The following SPICE1 variants were observed in gnomAD, a reference collection of about 807,000 sequenced individuals.
The protein encoded by SPICE1 is spindle and centriole associated protein 1.
In SPICE1, 75 loss-of-function variants were observed where a neutral mutation model predicts 102.7. The ratio of observed to expected loss-of-function variants is 0.73; its 90% CI spans 0.61 to 0.88. SPICE1 has a LOEUF of 0.88. SPICE1 is among the 40% of genes least tolerant of loss of function. SPICE1 has a pLI of 0.00. For synonymous variants in SPICE1, 308 were observed against 350.3 expected (o/e 0.88, Z 1.35); for missense variants, 979 against 1,020.1 (o/e 0.96, Z 0.55).
At chr3:113,501,432 A>T (rs1417382627) in intron 3 of SPICE1, among the ~76,000 whole-genome samples, 1 of 152,216 alleles carries the variant, frequency 6.6e-6, no homozygotes, top group Non-Finnish European at 1.5e-5. Context: ...CATCAAAATT[A>T]AAAACTTCCC....
At chr3:113,475,608 T>G (rs933470869) in intron 7 of SPICE1, among the ~76,000 whole-genome samples, 2 of 152,110 alleles carry the variant, frequency 1.3e-5, no homozygotes, top group Non-Finnish European at 2.9e-5. Flanking sequence ...GCTTCATCCC[T>G]GGGATGCAAG....
At chr3:113,466,772 G>A (rs145928187) in intron 10 of SPICE1, among the ~76,000 whole-genome samples, 328 of 152,346 alleles carry the variant, frequency 2.2e-3, no homozygotes, top group African/African-American at 7.3e-3. Flanking sequence ...AGGGTCAGGT[G>A]CAGAGGCTCA....
intron 2 of SPICE1, among the ~76,000 whole-genome samples, chr3:113,505,051 G>A (rs1162841845): frequency 6.6e-6 from 1 of 152,064 alleles, no homozygotes; most frequent in Non-Finnish European, 1.5e-5. Flanking sequence ...CAGTATCCAG[G>A]ACACCCACAT....
chr3:113,506,680 C>A, intron 1 of SPICE1, 75 bp from the exon 2 acceptor site: 9 of 1,145,916 alleles, frequency 7.9e-6, no homozygotes, highest in East Asian at 2.5e-5. Context: ...GGGGAAGACA[C>A]CTGAAAAAAA....
At position 113,453,852 on chromosome 3, in the gene SPICE1, T is replaced by G; in HGVS notation, c.1756A>C (p.Ile586Leu). 1 of 1,614,224 alleles carries G rather than the reference T, an allele frequency of 6.2e-7. No individual in the cohort carries two copies. Among genetic ancestry groups the G allele is most frequent in the Non-Finnish European group, 8.5e-7 (1 of 1,180,020 alleles). Residue 586 changes from isoleucine (I) to leucine (L), a missense_variant, in exon 14 of 18, where the codon ATT (isoleucine) becomes CTT (leucine). Physicochemically the swap from Ile to Leu is conservative, Grantham distance 5 (BLOSUM62 2). Coordinates refer to ENST00000295872, the MANE Select transcript of SPICE1 (RefSeq NM_144718.4). The stretch of plus-strand genomic sequence containing the variant: ...CTTGAATTCTGAATGTCTGTATCAA[T>G]AGGTAAGGTCTTCTCTTCCCAATTT... ...EQNWEEKTLP[I>L]DTDIQNSSEE... is the part of the protein sequence containing the mutation.
chr3:113,478,747 A>T (rs1339436198), intron 7 of SPICE1, among the ~76,000 whole-genome samples: 3 of 152,164 alleles, frequency 2.0e-5, no homozygotes, highest in Non-Finnish European at 4.4e-5. Context: ...AGTGAGGTAG[A>T]TCTATGGATA....
At chr3:113,463,435 A>G (rs1301394205) in intron 11 of SPICE1, among the ~76,000 whole-genome samples, 1 of 152,238 alleles carries the variant, frequency 6.6e-6, no homozygotes, top group Non-Finnish European at 1.5e-5. Flanking sequence ...CAGGAGAATT[A>G]AACATATGTT....
Position 113,468,339 on chromosome 3 carries a change from T to C in SPICE1, c.955A>G (p.Thr319Ala), listed in dbSNP as rs1330776573. The C allele has an allele frequency of 1.9e-6, 3 of 1,614,184 alleles. No homozygotes were observed. The highest frequency in any genetic ancestry group is 2.2e-5 in the South Asian group (2 of 91,086). The change falls in exon 10 of 18, where the codon ACC (threonine) becomes GCC (alanine). Residue 319 changes from threonine to alanine, a missense_variant. By Grantham distance (58) the Thr-to-Ala change is moderately conservative (BLOSUM62 0). Coordinates refer to ENST00000295872, the MANE Select transcript of SPICE1 (RefSeq NM_144718.4). ...GTCCTATTTGGTAAGTCTGCAGAGGTTGTGCTACCTGATGATATGTTTTTC... is the reference window on the plus strand; with the variant it reads ...GTCCTATTTGGTAAGTCTGCAGAGGCTGTGCTACCTGATGATATGTTTTTC... ...PKKNISSGST[T>A]SADLPNRTNS...
chr3:113,485,457 A>T, intron 7 of SPICE1, among the ~76,000 whole-genome samples: 1 of 152,188 alleles, frequency 6.6e-6, no homozygotes, highest in East Asian at 1.9e-4. Flanking sequence ...GTGTAAACAA[A>T]GCCACCAGGA....
At chr3:113,452,864 G>C (rs1387921192) in intron 14 of SPICE1, among the ~76,000 whole-genome samples, 2 of 152,124 alleles carry the variant, frequency 1.3e-5, no homozygotes, top group Admixed American at 6.5e-5. Context: ...TGTAATCCCA[G>C]CTACTTAGGA....
intron 14 of SPICE1, 113 bp downstream of exon 14, chr3:113,453,353 T>C: frequency 7.4e-7 from 1 of 1,349,126 alleles, no homozygotes; most frequent in Non-Finnish European, 1.0e-6. Context: ...ATAAGCCATC[T>C]AGCCTCAAAG....
intron 7 of SPICE1, among the ~76,000 whole-genome samples, chr3:113,487,282 AGT>A (rs1936671195): frequency 6.6e-6 from 1 of 152,136 alleles, no homozygotes; most frequent in South Asian, 2.1e-4. Context: ...GTTAAAGAAG[AGT>A]GATACAAATG....
intron 3 of SPICE1, among the ~76,000 whole-genome samples, chr3:113,501,228 C>T (rs1306011218): frequency 6.6e-6 from 1 of 151,988 alleles, no homozygotes; most frequent in East Asian, 1.9e-4. Flanking sequence ...AAAGTTGGGC[C>T]CCCCTCCCAC....
chr3:113,464,091 A>C (rs1935995728), intron 11 of SPICE1, among the ~76,000 whole-genome samples: 1 of 151,918 alleles, frequency 6.6e-6, no homozygotes, highest in Non-Finnish European at 1.5e-5. Flanking sequence ...AAAAGGGTAC[A>C]GGATTTCTCT....
intron 4 of SPICE1, among the ~76,000 whole-genome samples, chr3:113,497,079 G>T (rs1177173603): frequency 1.3e-5 from 2 of 152,198 alleles, no homozygotes; most frequent in Admixed American, 6.5e-5. Flanking sequence ...TTGTAAGTGG[G>T]AATGGCCATG....
chr3:113,503,093 G>T, intron 3 of SPICE1, 87 bp downstream of exon 3: 1 of 1,346,106 alleles, frequency 7.4e-7, no homozygotes, highest in Non-Finnish European at 1.0e-6. Context: ...CTTCCAGGAA[G>T]TGCCTATAGT....
Position 113,484,381 on chromosome 3 carries a change from A to G in SPICE1, c.611+4564T>C, listed in dbSNP as rs888903604. Among the ~76,000 whole-genome samples the G allele has an allele frequency of 2.0e-5, 3 of 151,962 alleles. No individual in the cohort carries two copies. In the South Asian group the frequency reaches 6.2e-4, roughly 32 times the overall value. On this transcript the variant is annotated intron_variant, in intron 7 of 17. Coordinates refer to ENST00000295872, the MANE Select transcript of SPICE1 (RefSeq NM_144718.4). ...GGTTTTTCATGTCTCTATCCCCTTC[A>G]GTTCTGCTTTGATCTTAGTTATTTC...
At chr3:113,487,540 T>C (rs1314982249) in intron 7 of SPICE1, among the ~76,000 whole-genome samples, 1 of 152,144 alleles carries the variant, frequency 6.6e-6, no homozygotes. Context: ...ATACCCTTCT[T>C]TAATAAAATG....
Position 113,460,731 on chromosome 3 carries a change from C to T in SPICE1, c.1321G>A (p.Glu441Lys), listed in dbSNP as rs759578980. 3 of 1,612,578 alleles carry T rather than the reference C, an allele frequency of 1.9e-6. No individual in the cohort carries two copies. The African/African-American group carries it at 4.0e-5, about 22-fold the overall frequency. The part of the protein sequence containing the change: ...RLQQYMVTTD[E>K]QLISLTHAIK... The stretch of plus-strand genomic sequence containing the variant: ...GCATGTGTGAGTGATATCAGTTGCT[C>T]ATCTGTTGTGACCATGTACTGCTGA... Residue 441 changes from glutamate (E) to lysine (K), a missense_variant, in exon 12 of 18, where the codon GAG (glutamate) becomes AAG (lysine). Transcript: ENST00000295872.
Sources: gnomAD v4.1 joint callset for allele counts (sites outside exome capture counted in the v4.1 genomes callset) on GRCh38, gnomAD v4.1.1 for gene constraint, MANE v1.5 for transcripts, NCBI Gene and HGNC (gene_info 2026-07-23, HGNC 2026-07-21) for gene names.